EFL1: variants seen among roughly 807,000 people sequenced by gnomAD.
The protein encoded by EFL1 is elongation factor like GTPase 1.
EFL1 carries 76 observed loss-of-function variants against 126.7 expected under a neutral mutation model. The observed-to-expected ratio is 0.60, with a 90% CI of 0.50 to 0.73. EFL1 has a LOEUF of 0.73. Ranked by LOEUF, EFL1 falls within the 30% of genes least tolerant of loss-of-function variation. The probability of loss-of-function intolerance (pLI) is 0.00; values close to 1 mark genes in which losing one functional copy is unlikely to be tolerated. For missense variants in EFL1, 1,128 were observed against 1,343.2 expected, an observed-to-expected ratio of 0.84 and a Z score of 2.50; for synonymous variants, 410 against 448.4, an observed-to-expected ratio of 0.91 and a Z score of 1.08.
rs200356140 is a variant in EFL1 at position 82,189,776 on chromosome 15, T to C, written c.1750+24941A>G. Reference sequence around the variant, plus strand: ...ACATTAGTATATACATTTATTTATATTGAATTATCTGTATCTATTTTTCAT... The same window carrying C: ...ACATTAGTATATACATTTATTTATACTGAATTATCTGTATCTATTTTTCAT... On this transcript the variant is annotated intron_variant, in intron 15 of 19. Transcript: ENST00000268206. Among the ~76,000 whole-genome samples, 22 of 152,264 alleles carry C rather than the reference T, an allele frequency of 1.4e-4. No individual in the cohort carries two copies. In the East Asian group the frequency reaches 3.9e-3, roughly 27 times the overall value.
Position 82,240,474 on chromosome 15 carries a change from C to T in EFL1, c.460G>A (p.Glu154Lys), listed in dbSNP as rs1176705734. The change falls in exon 6 of 20, where the codon GAA becomes AAA. Residue 154 changes from glutamate (E) to lysine (K), a missense_variant. Around this residue, in one of 6 missense-constraint regions of EFL1, gnomAD observed 316 missense variants for 318.5 expected, o/e 0.99. Transcript: ENST00000268206. ...GCCTCTTGTGGGGTGAATTTCAGTTCCACTATCAAGCGATCAATCTTATTA... is the reference window on the plus strand; with the variant it reads ...GCCTCTTGTGGGGTGAATTTCAGTTTCACTATCAAGCGATCAATCTTATTA... ...VINKIDRLIVELKFTPQEAYS... is the reference protein window; with the variant it reads ...VINKIDRLIVKLKFTPQEAYS... 6.2e-7 allele frequency: 1 copy of T among 1,613,642 alleles called. No homozygotes were observed. The highest frequency in any genetic ancestry group is 2.2e-5 in the East Asian group (1 of 44,880).
rs976445767 is a variant in EFL1 at position 82,157,856 on chromosome 15, T to A, written c.1887A>T (p.Glu629Asp). The A allele has an allele frequency of 6.2e-7, 1 of 1,611,912 alleles. No homozygotes were observed. The highest frequency in any genetic ancestry group is 8.5e-7 in the Non-Finnish European group (1 of 1,178,632). Residue 629 changes from glutamate (E) to aspartate (D), a missense_variant, in exon 17 of 20, where the codon GAA (glutamate) becomes GAT (aspartate). Physicochemically the swap from Glu to Asp is conservative, Grantham distance 45. Coordinates refer to ENST00000268206, the MANE Select transcript of EFL1 (RefSeq NM_024580.6). ...TCATTCCTTTTACGAGCTGAGGCAT[T>A]TCACCTAGGTTAACAAAACGAAATA... is the stretch of plus-strand genomic sequence containing the variant. ...RVAVEPKHPS[E>D]MPQLVKGMKL...
At chr15:82,208,567 A>G (rs766602320) in intron 15 of EFL1, among the ~76,000 whole-genome samples, 34 of 152,230 alleles carry the variant, frequency 2.2e-4, no homozygotes, top group Non-Finnish European at 4.4e-4. Flanking sequence ...ATAATGCAAG[A>G]AAAGTCTGGA....
intron 15 of EFL1, among the ~76,000 whole-genome samples, chr15:82,168,263 C>G (rs1022996223): frequency 6.6e-6 from 1 of 152,212 alleles, no homozygotes; most frequent in South Asian, 2.1e-4. Flanking sequence ...AATCCACACG[C>G]TTTATAACTC....
At chr15:82,203,110 C>A (rs1158259324) in intron 15 of EFL1, among the ~76,000 whole-genome samples, 1 of 152,052 alleles carries the variant, frequency 6.6e-6, no homozygotes, top group Non-Finnish European at 1.5e-5. Flanking sequence ...CACGCCCAGA[C>A]TGTTCCCTAA....
intron 15 of EFL1, among the ~76,000 whole-genome samples, chr15:82,199,723 G>A (rs758555083): frequency 7.2e-5 from 11 of 152,192 alleles, no homozygotes; most frequent in East Asian, 1.9e-4. Context: ...AGAATACACC[G>A]ATAACACCTG....
Position 82,225,237 on chromosome 15 carries a change from G to C in EFL1, c.1220C>G (p.Thr407Ser), listed in dbSNP as rs753265391. Reference sequence around the variant, plus strand: ...GGAAACAAATATAATAACTGGAGCAGTGTCCTCACTTCCACATTTCATAAA... The same window carrying C: ...GGAAACAAATATAATAACTGGAGCACTGTCCTCACTTCCACATTTCATAAA... ...AAFMKCGSEDTAPVIIFVSKM... is the reference protein window; with the variant it reads ...AAFMKCGSEDSAPVIIFVSKM... The change falls in exon 12 of 20, where the codon ACT becomes AGT. Residue 407 changes from threonine (T) to serine (S), a missense_variant. Physicochemically the swap from Thr to Ser is moderately conservative, Grantham distance 58. Coordinates refer to ENST00000268206, the MANE Select transcript of EFL1 (RefSeq NM_024580.6). The C allele has an allele frequency of 4.8e-5, 77 of 1,611,396 alleles. No individual in the cohort carries two copies. Among genetic ancestry groups the C allele is most frequent in the Non-Finnish European group, 6.5e-5 (77 of 1,179,162 alleles).
chr15:82,180,835 C>T (rs1194559450), intron 15 of EFL1, among the ~76,000 whole-genome samples: 1 of 151,882 alleles, frequency 6.6e-6, no homozygotes, highest in African/African-American at 2.4e-5. Flanking sequence ...TCAGGGGGGC[C>T]CTCTCACCTC....
At chr15:82,143,495 C>CT (rs1291759658) in intron 18 of EFL1, among the ~76,000 whole-genome samples, 2 of 152,150 alleles carry the variant, frequency 1.3e-5, no homozygotes, top group African/African-American at 4.8e-5. Context: ...TTGGTAGGTA[C>CT]TTATTCTTAT....
intron 16 of EFL1, among the ~76,000 whole-genome samples, chr15:82,160,628 T>C (rs2074013488): frequency 6.6e-6 from 1 of 152,158 alleles, no homozygotes; most frequent in Non-Finnish European, 1.5e-5. Context: ...CATATATCTA[T>C]ATAAGCATAG....
chr15:82,132,682 G>GGGGC (rs1555423072), intron 19 of EFL1, among the ~76,000 whole-genome samples: 1 of 16,148 alleles, frequency 6.2e-5, no homozygotes, highest in African/African-American at 3.2e-4. Context: ...TCCAGGAATT[G>GGGGC]GGGGGGGGGG....
intron 15 of EFL1, among the ~76,000 whole-genome samples, chr15:82,213,976 C>T (rs1281310980): frequency 1.3e-5 from 2 of 152,190 alleles, no homozygotes; most frequent in Non-Finnish European, 2.9e-5. Context: ...TCTGGACCAA[C>T]AGACTAGGCC....
chr15:82,240,282 G>A, intron 6 of EFL1, 136 bp downstream of exon 6: 2 of 796,666 alleles, frequency 2.5e-6, no homozygotes, highest in South Asian at 2.0e-5. Context: ...TGCCTCTCTT[G>A]TAGAATAACA....
At position 82,214,921 on chromosome 15, in the gene EFL1, A is replaced by C. The variant is rs1202385922; in HGVS notation, c.1612-66T>G. 2.6e-6 allele frequency: 4 copies of C among 1,525,030 alleles called. No homozygotes were observed. In the Admixed American group the frequency reaches 6.4e-5, roughly 24 times the overall value. 94.5% of individuals were successfully genotyped at this position (1,525,030 alleles called of 1,614,324 possible). A position where few individuals can be genotyped will look rare whatever the true frequency, so the allele number is the denominator to read the frequency against. On this transcript the variant is annotated intron_variant, in intron 14 of 19. Coordinates refer to ENST00000268206, the MANE Select transcript of EFL1 (RefSeq NM_024580.6). ...TTGGAAGCATTAATTGGTATTTGTAAAGTTACTTCTATTCATCAGTAAGAT... is the reference window on the plus strand; with the variant it reads ...TTGGAAGCATTAATTGGTATTTGTACAGTTACTTCTATTCATCAGTAAGAT...
intron 15 of EFL1, among the ~76,000 whole-genome samples, chr15:82,214,397 A>AAAT: frequency 6.6e-6 from 1 of 152,236 alleles, no homozygotes; most frequent in Admixed American, 6.5e-5. Flanking sequence ...GTAGAACCAG[A>AAAT]AATGCCTTAG....
At chr15:82,196,809 G>A (rs1435792724) in intron 15 of EFL1, among the ~76,000 whole-genome samples, 1 of 152,162 alleles carries the variant, frequency 6.6e-6, no homozygotes, top group East Asian at 1.9e-4. Flanking sequence ...CAAGGCGGGC[G>A]GATCACGAGG....
intron 7 of EFL1, among the ~76,000 whole-genome samples, chr15:82,237,792 G>A (rs1330311966): frequency 6.6e-6 from 1 of 150,594 alleles, no homozygotes; most frequent in African/African-American, 2.4e-5. Context: ...TGAATAAACT[G>A]GGGTACATCC....
At chr15:82,232,627 C>T (rs2074833916) in intron 7 of EFL1, among the ~76,000 whole-genome samples, 1 of 152,052 alleles carries the variant, frequency 6.6e-6, no homozygotes, top group Non-Finnish European at 1.5e-5. Context: ...ATTCATTTAC[C>T]ATAAATCCTA....
chr15:82,139,715 C>T (rs911422445), intron 18 of EFL1, among the ~76,000 whole-genome samples: 1 of 152,216 alleles, frequency 6.6e-6, no homozygotes, highest in Admixed American at 6.5e-5. Context: ...CTTTCACCTG[C>T]TGCCTAAAAA....
Sources: gnomAD v4.1 joint callset for allele counts (sites outside exome capture counted in the v4.1 genomes callset) on GRCh38, gnomAD v4.1.1 for gene constraint, gnomAD v4.1.1 regional missense constraint, MANE v1.5 for transcripts, NCBI Gene and HGNC (gene_info 2026-07-23, HGNC 2026-07-21) for gene names.